The following NCAM1 variants were observed in gnomAD, a reference collection of about 807,000 sequenced individuals.
NCAM1 encodes antigen recognized by monoclonal antibody 5.1H11.
A neutral mutation model predicts 109.8 loss-of-function variants in NCAM1; 14 were observed. The ratio of observed to expected loss-of-function variants is 0.13; its 90% CI spans 0.08 to 0.20. NCAM1 has a LOEUF of 0.20. NCAM1 is among the 10% of genes least tolerant of loss of function. The pLI is 1.00. For missense variants in NCAM1, 774 were observed against 1,109.9 expected (o/e 0.70, Z 4.30); for synonymous variants, 418 against 442.9 (o/e 0.94, Z 0.70).
intron 1 of NCAM1, among the ~76,000 whole-genome samples, chr11:113,168,432 G>A (rs1371678338): frequency 2.0e-5 from 3 of 152,120 alleles, no homozygotes; most frequent in Admixed American, 6.5e-5. Flanking sequence ...TAGCTTGCAC[G>A]GTCGTGACTA....
chr11:113,064,960 A>G (rs1037101020), intron 1 of NCAM1, among the ~76,000 whole-genome samples: 1 of 152,238 alleles, frequency 6.6e-6, no homozygotes, highest in African/African-American at 2.4e-5. Context: ...ACAAGAAATG[A>G]TACTCTAGTA....
chr11:113,155,944 T>A (rs1439428794), intron 1 of NCAM1, among the ~76,000 whole-genome samples: 3 of 152,018 alleles, frequency 2.0e-5, no homozygotes, highest in Non-Finnish European at 4.4e-5. Flanking sequence ...ATGATCAGAG[T>A]CACACTGTGA....
At position 113,270,361 on chromosome 11, in the gene NCAM1, G is replaced by A. The variant is rs1946239795; in HGVS notation, c.2305G>A (p.Gly769Ser). 2.5e-6 allele frequency: 4 copies of A among 1,613,880 alleles called. No homozygotes were observed. Among genetic ancestry groups the A allele is most frequent in the Admixed American group, 3.3e-5 (2 of 60,012 alleles). The part of the protein sequence containing the change: ...LCGKAGPGAK[G>S]KDMEEGKAAF... ...TGGAAAAGCCGGGCCCGGGGCCAAG[G>A]GCAAGGACATGGAGGAGGGCAAGGC... Residue 769 changes from glycine to serine, a missense_variant, in exon 18 of 20, where the codon GGC becomes AGC. Coordinates refer to ENST00000316851, the MANE Select transcript of NCAM1 (RefSeq NM_181351.5).
At chr11:113,196,380 T>C (rs1555110834) in intron 1 of NCAM1, among the ~76,000 whole-genome samples, 1 of 152,216 alleles carries the variant, frequency 6.6e-6, no homozygotes, top group Non-Finnish European at 1.5e-5. Flanking sequence ...CTTATTTTAA[T>C]GTAGAGAGTA....
At chr11:113,163,824 C>G (rs782376553) in intron 1 of NCAM1, among the ~76,000 whole-genome samples, 1 of 152,060 alleles carries the variant, frequency 6.6e-6, no homozygotes, top group Admixed American at 6.5e-5. Context: ...CTGCGGGTGC[C>G]GGGCTGTGCA....
chr11:113,271,869 G>A lies in NCAM1; in HGVS notation c.2449G>A (p.Glu817Lys), dbSNP rs574817384. The change falls in exon 19 of 20, where the codon GAG (glutamate) becomes AAG (lysine). Residue 817 changes from glutamate to lysine, a missense_variant. Around this residue, in one of 4 missense-constraint regions of NCAM1, gnomAD observed 122 missense variants for 129.7 expected, o/e 0.94. Transcript: ENST00000316851. Reference sequence around the variant, plus strand: ...GCCCAACGAGACCACGCCACTGACGGAGCCCGAGTACGTGGGCTGGGAGGG... The same window carrying A: ...GCCCAACGAGACCACGCCACTGACGAAGCCCGAGTACGTGGGCTGGGAGGG... ...TEPNETTPLTEPEKGPVEAKP... is the reference protein window; with the variant it reads ...TEPNETTPLTKPEKGPVEAKP... 3 of 1,564,228 alleles carry A rather than the reference G, an allele frequency of 1.9e-6. No individual in the cohort carries two copies. Among genetic ancestry groups the A allele is most frequent in the African/African-American group, 2.7e-5 (2 of 73,630 alleles).
intron 1 of NCAM1, among the ~76,000 whole-genome samples, chr11:112,987,586 A>G (rs191022984): frequency 2.2e-3 from 337 of 152,258 alleles, no homozygotes; most frequent in African/African-American, 5.3e-3. Context: ...GGGTGCATAT[A>G]TATTTACAGT....
At chr11:113,163,124 A>T (rs947798330) in intron 1 of NCAM1, among the ~76,000 whole-genome samples, 1 of 152,280 alleles carries the variant, frequency 6.6e-6, no homozygotes, top group East Asian at 1.9e-4. Flanking sequence ...TCATCTGGCA[A>T]CCTCAAACTC....
intron 5 of NCAM1, 59 bp downstream of exon 5, chr11:113,206,239 CA>C: frequency 6.6e-7 from 1 of 1,518,004 alleles, no homozygotes; most frequent in Non-Finnish European, 8.8e-7. Flanking sequence ...TCTCCAAAAT[CA>C]TTCTCTTTAA....
intron 1 of NCAM1, among the ~76,000 whole-genome samples, chr11:112,988,093 A>G (rs1951355882): frequency 6.6e-6 from 1 of 152,096 alleles, no homozygotes; most frequent in Non-Finnish European, 1.5e-5. Context: ...GCGTACATAG[A>G]GCATGTTATA....
At chr11:113,230,430 G>A (rs1188493375) in intron 9 of NCAM1, among the ~76,000 whole-genome samples, 6 of 152,188 alleles carry the variant, frequency 3.9e-5, no homozygotes, top group East Asian at 3.9e-4. Flanking sequence ...TCAGATGACC[G>A]GAATAGGCTA....
chr11:113,086,614 T>G (rs1389294971), intron 1 of NCAM1, among the ~76,000 whole-genome samples: 1 of 152,182 alleles, frequency 6.6e-6, no homozygotes, highest in Non-Finnish European at 1.5e-5. Flanking sequence ...CTGAGGCATT[T>G]CACTGTCTCT....
At chr11:113,076,448 GA>G (rs1252103087) in intron 1 of NCAM1, among the ~76,000 whole-genome samples, 1 of 152,128 alleles carries the variant, frequency 6.6e-6, no homozygotes, top group Non-Finnish European at 1.5e-5. Context: ...CTTCAGAGGG[GA>G]AAATAATATA....
intron 1 of NCAM1, among the ~76,000 whole-genome samples, chr11:112,997,192 T>G (rs1951617661): frequency 6.6e-6 from 1 of 151,950 alleles, no homozygotes; most frequent in South Asian, 2.1e-4. Flanking sequence ...CATGAGGGAG[T>G]GGGTGTTACT....
intron 1 of NCAM1, among the ~76,000 whole-genome samples, chr11:113,076,245 C>G (rs1382521486): frequency 8.5e-5 from 13 of 152,194 alleles, no homozygotes; most frequent in Admixed American, 8.5e-4. Flanking sequence ...GGACCCTTTT[C>G]TACTTTCTGT....
intron 7 of NCAM1, among the ~76,000 whole-genome samples, chr11:113,213,870 T>A (rs782182221): frequency 1.3e-5 from 2 of 152,262 alleles, no homozygotes; most frequent in Non-Finnish European, 2.9e-5. Context: ...ATGCTGTCTG[T>A]GGGCCTCCAC....
At chr11:113,222,531 G>A (rs559499245) in intron 9 of NCAM1, among the ~76,000 whole-genome samples, 5 of 152,328 alleles carry the variant, frequency 3.3e-5, no homozygotes, top group South Asian at 2.1e-4. Flanking sequence ...GAGGCTTCCC[G>A]CCTGTGGCAC....
chr11:113,207,105 A>G (rs1339944235), intron 5 of NCAM1, among the ~76,000 whole-genome samples, 156 bp from the exon 6 acceptor site: 2 of 152,270 alleles, frequency 1.3e-5, no homozygotes, highest in African/African-American at 2.4e-5. Flanking sequence ...TATTTAGTAC[A>G]TACATGAATT....
intron 15 of NCAM1, among the ~76,000 whole-genome samples, chr11:113,251,250 G>T (rs778909505): frequency 1.2e-4 from 19 of 152,182 alleles, no homozygotes; most frequent in Non-Finnish European, 1.3e-4. Flanking sequence ...AAGTACCCTG[G>T]ATTTGCTATA....
Sources: gnomAD v4.1 joint callset for allele counts (sites outside exome capture counted in the v4.1 genomes callset) on GRCh38, gnomAD v4.1.1 for gene constraint, gnomAD v4.1.1 regional missense constraint, MANE v1.5 for transcripts, NCBI Gene and HGNC (gene_info 2026-07-23, HGNC 2026-07-21) for gene names.